The following RYR2 variants were observed in gnomAD, a reference collection of about 807,000 sequenced individuals.
RYR2 encodes cardiac muscle ryanodine receptor-calcium release channel.
In RYR2, 227 loss-of-function variants were observed where a neutral mutation model predicts 601.1. That is an observed-to-expected ratio of 0.38 (90% confidence interval 0.34 to 0.42). The LOEUF is 0.42. Among genes scored for constraint, RYR2 ranks in the 10% least tolerant of loss-of-function variants. RYR2 has a pLI of 1.00. For missense variants in RYR2, 4,646 were observed against 6,156.5 expected (o/e 0.75, Z 8.21); for synonymous variants, 2,223 against 2,175.1 (o/e 1.02, Z -0.61).
intron 1 of RYR2, among the ~76,000 whole-genome samples, chr1:237,127,566 C>T (rs529414125): frequency 6.9e-6 from 1 of 144,572 alleles, no homozygotes; most frequent in South Asian, 2.2e-4. Context: ...GGGGGGCTGA[C>T]CCCCCCCACC....
chr1:237,351,846 A>G (rs945711321), intron 3 of RYR2, among the ~76,000 whole-genome samples: 2 of 145,460 alleles, frequency 1.4e-5, no homozygotes, highest in African/African-American at 5.1e-5. Flanking sequence ...ACTATGACAA[A>G]GACCATGCAA....
intron 101 of RYR2, among the ~76,000 whole-genome samples, chr1:237,822,087 T>C (rs867132729): frequency 4.6e-5 from 7 of 152,102 alleles, no homozygotes; most frequent in Non-Finnish European, 8.8e-5. Flanking sequence ...TGGAACCAAG[T>C]TGGAAAACAC....
intron 1 of RYR2, among the ~76,000 whole-genome samples, chr1:237,159,621 A>T (rs1675786782): frequency 6.6e-6 from 1 of 152,196 alleles, no homozygotes; most frequent in South Asian, 2.1e-4. Flanking sequence ...GCTTGAGCTC[A>T]GGAATTCAAG....
intron 102 of RYR2, among the ~76,000 whole-genome samples, chr1:237,829,844 G>A (rs1663574693): frequency 6.6e-6 from 1 of 152,084 alleles, no homozygotes; most frequent in South Asian, 2.1e-4. Flanking sequence ...TGGGTTTTGT[G>A]GACCAGGCCT....
At chr1:237,207,719 T>C (rs1293674491) in intron 1 of RYR2, among the ~76,000 whole-genome samples, 5 of 152,232 alleles carry the variant, frequency 3.3e-5, no homozygotes, top group Admixed American at 2.6e-4. Context: ...AGGTATTTTA[T>C]TTTAGCAAAA....
chr1:237,445,789 T>C (rs138009103), intron 14 of RYR2, among the ~76,000 whole-genome samples: 2 of 152,210 alleles, frequency 1.3e-5, no homozygotes, highest in East Asian at 3.9e-4. Flanking sequence ...TACTTTTCCT[T>C]GTACTGAACC....
At chr1:237,494,485 T>C (rs368455781) in intron 19 of RYR2, among the ~76,000 whole-genome samples, 5 of 152,234 alleles carry the variant, frequency 3.3e-5, no homozygotes, top group Non-Finnish European at 7.4e-5. Flanking sequence ...CCCACCCAGA[T>C]TGAGGATGGG....
At chr1:237,237,231 A>G (rs1685639550) in intron 1 of RYR2, among the ~76,000 whole-genome samples, 1 of 152,202 alleles carries the variant, frequency 6.6e-6, no homozygotes. Flanking sequence ...TAGTGGTGTG[A>G]GAAAAGACTA....
intron 11 of RYR2, among the ~76,000 whole-genome samples, chr1:237,419,058 G>A (rs912782994): frequency 6.6e-5 from 10 of 151,830 alleles, no homozygotes; most frequent in Admixed American, 2.6e-4. Flanking sequence ...TTTACATTGT[G>A]TATTATAAAA....
chr1:237,831,416 C>A, intron 103 of RYR2, 98 bp from the exon 104 acceptor site: 1 of 695,370 alleles, frequency 1.4e-6, no homozygotes, highest in Non-Finnish European at 2.5e-6. Flanking sequence ...TCTGTGCTGG[C>A]CATAATTGAT....
rs77211500 is a variant in RYR2, at chr1:237,502,894, T to C, written c.2397-395T>C. ...TCCCCTCATTCCTTGTTAAATCCTGTAATTTTAAGCATATAGATATTTAGA... is the reference window on the plus strand; with the variant it reads ...TCCCCTCATTCCTTGTTAAATCCTGCAATTTTAAGCATATAGATATTTAGA... On this transcript the variant is annotated intron_variant, in intron 21 of 104. Coordinates refer to ENST00000366574, the MANE Select transcript of RYR2 (RefSeq NM_001035.3). 9.8e-3 allele frequency among the ~76,000 whole-genome samples: 1,497 copies of C among 152,218 alleles called. 28 individuals carry two copies. Among genetic ancestry groups the C allele is most frequent in the African/African-American group, 0.032 (1,331 of 41,522 alleles).
chr1:237,457,830 C>T (rs1659021736), intron 16 of RYR2, among the ~76,000 whole-genome samples: 1 of 152,306 alleles, frequency 6.6e-6, no homozygotes, highest in Admixed American at 6.5e-5. Context: ...CTAACCCTCG[C>T]CTCCAAAATC....
intron 2 of RYR2, among the ~76,000 whole-genome samples, chr1:237,303,431 C>G (rs1328538411): frequency 6.7e-6 from 1 of 150,184 alleles, no homozygotes; most frequent in South Asian, 2.1e-4. Flanking sequence ...TCCCAAGTAG[C>G]TGGGATTACG....
intron 23 of RYR2, 51 bp from the exon 24 acceptor site, chr1:237,511,637 T>C (rs1665910229): frequency 9.0e-6 from 12 of 1,330,714 alleles, no homozygotes; most frequent in South Asian, 8.8e-5. Context: ...ATTCCATTGC[T>C]AGTGCCTGGC....
At chr1:237,786,931 G>A (rs911471517) in intron 91 of RYR2, among the ~76,000 whole-genome samples, 2 of 152,102 alleles carry the variant, frequency 1.3e-5, no homozygotes, top group Non-Finnish European at 2.9e-5. Flanking sequence ...ATAAAAAGTA[G>A]ACACAAATAA....
At chr1:237,548,295 C>G (rs1670028654) in intron 25 of RYR2, 136 bp from the exon 26 acceptor site, 2 of 768,216 alleles carry the variant, frequency 2.6e-6, no homozygotes, top group South Asian at 2.1e-5. Context: ...CCTAGGCTTG[C>G]TGTCTGGTAC....
At chr1:237,414,896 A>G (rs935808859) in intron 10 of RYR2, among the ~76,000 whole-genome samples, 1 of 152,168 alleles carries the variant, frequency 6.6e-6, no homozygotes, top group Non-Finnish European at 1.5e-5. Flanking sequence ...AAGGGAGAGG[A>G]TTCTACCTCA....
In RYR2 at chr1:237,144,039, G is replaced by C. The variant is rs1344669734; in HGVS notation, c.48+101470G>C. On this transcript the variant is annotated intron_variant, in intron 1 of 104. Transcript: ENST00000366574. ...AGCTACTCAGGAGGCTGAGGCAGGAGAATTGCTTGAACCCGGGAAGTGGAA... is the reference window on the plus strand; with the variant it reads ...AGCTACTCAGGAGGCTGAGGCAGGACAATTGCTTGAACCCGGGAAGTGGAA... 2.0e-5 allele frequency among the ~76,000 whole-genome samples: 3 copies of C among 151,932 alleles called. No homozygotes were observed. The East Asian group carries it at 5.8e-4, about 29-fold the overall frequency.
In RYR2 at chr1:237,473,431, C is replaced by CTT. The variant is rs1466932341; in HGVS notation, c.1708+4245_1708+4246insTT. Among the ~76,000 whole-genome samples the CTT allele has an allele frequency of 7.4e-4, 86 of 115,812 alleles. 1 individual carries two copies. The highest frequency in any genetic ancestry group is 8.5e-3 in the Middle Eastern group (2 of 236). 76.0% of individuals were successfully genotyped at this position (115,812 alleles called of 152,430 possible). A position where few individuals can be genotyped will look rare whatever the true frequency, so the allele number is the denominator to read the frequency against. On this transcript the variant is annotated intron_variant, in intron 17 of 104. Coordinates refer to ENST00000366574, the MANE Select transcript of RYR2 (RefSeq NM_001035.3). Reference sequence around the variant, plus strand: ...AGAACGAGACTCCATCTCTCTCTCTCTCTTTCTTTCTTTCTTTCTTTCTTT... The same window carrying CTT: ...AGAACGAGACTCCATCTCTCTCTCTCTTTCTTTCTTTCTTTCTTTCTTTCTTT...
Sources: allele counts gnomAD v4.1 joint callset (sites outside exome capture counted in the v4.1 genomes callset), GRCh38; gene constraint gnomAD v4.1.1; transcripts MANE v1.5; gene names NCBI Gene and HGNC (gene_info 2026-07-23, HGNC 2026-07-21).